Variants in DTNA observed in about 807,000 individuals in gnomAD.
DTNA encodes dystrophin-related protein 3.
DTNA carries 43 observed loss-of-function variants against 100.7 expected under a neutral mutation model. The observed-to-expected ratio is 0.43, with a 90% CI of 0.33 to 0.55. DTNA has a LOEUF of 0.55. Among genes scored for constraint, DTNA ranks in the 20% least tolerant of loss-of-function variants. The pLI is 0.04. For missense variants in DTNA, 798 were observed against 953.9 expected (o/e 0.84, Z 2.15); for synonymous variants, 349 against 347.9 (o/e 1.00, Z -0.04).
rs1009435859 is a variant in DTNA at position 34,868,579 on chromosome 18, C to G, written c.1743+4517C>G. On this transcript the variant is annotated intron_variant, in intron 17 of 22. Coordinates refer to ENST00000444659, the MANE Select transcript of DTNA (RefSeq NM_001386795.1). ...CCAAACTTAGAACACCCCCACACAACAAATTGTGCTGGATTTAATAACCTC... is the reference window on the plus strand; with the variant it reads ...CCAAACTTAGAACACCCCCACACAAGAAATTGTGCTGGATTTAATAACCTC... 19 of 985,422 alleles carry G rather than the reference C, an allele frequency of 1.9e-5. No homozygotes were observed. The South Asian group carries it at 7.0e-4, about 37-fold the overall frequency. The allele number at this position is 985,422 out of a possible 1,614,324, so 61.0% of individuals were successfully genotyped here. A position where few individuals can be genotyped will look rare whatever the true frequency, so the allele number is the denominator to read the frequency against.
intron 14 of DTNA, among the ~76,000 whole-genome samples, chr18:34,851,024 A>G (rs1160436421): frequency 1.3e-5 from 2 of 152,244 alleles, no homozygotes; most frequent in Non-Finnish European, 2.9e-5. Flanking sequence ...GTGTGAATAA[A>G]GAAAGACATA....
At chr18:34,802,873 T>C (rs1457651652) in intron 4 of DTNA, among the ~76,000 whole-genome samples, 2 of 152,222 alleles carry the variant, frequency 1.3e-5, no homozygotes, top group Non-Finnish European at 2.9e-5. Context: ...TGTGCTTATG[T>C]GATATATTTA....
rs1603303938 is a variant in DTNA at position 34,867,983 on chromosome 18, C to T, written c.1743+3921C>T. ...CTATTTCACTTATTTATCTTTTTTG[C>T]TTTTATACACAAGCCTCTTTTCAAA... is the stretch of plus-strand genomic sequence containing the variant. On this transcript the variant is annotated intron_variant, in intron 17 of 22. Transcript: ENST00000444659. 3 of 985,248 alleles carry T rather than the reference C, an allele frequency of 3.0e-6. No homozygotes were observed. The South Asian group carries it at 1.4e-4, about 46-fold the overall frequency. The allele number at this position is 985,248 out of a possible 1,614,324, so 61.0% of individuals were successfully genotyped here.
intron 1 of DTNA, among the ~76,000 whole-genome samples, chr18:34,525,468 A>G (rs540122211): frequency 1.3e-5 from 2 of 152,138 alleles, no homozygotes; most frequent in African/African-American, 2.4e-5. Context: ...CCCACAGTTC[A>G]TCAGTACTTG....
intron 1 of DTNA, among the ~76,000 whole-genome samples, chr18:34,674,863 A>G (rs1228133672): frequency 6.6e-6 from 1 of 152,212 alleles, no homozygotes; most frequent in Admixed American, 6.5e-5. Flanking sequence ...ATTTTAAATG[A>G]TAACAGGTGC....
chr18:34,571,995 G>A (rs1167321904), intron 1 of DTNA, among the ~76,000 whole-genome samples: 1 of 152,146 alleles, frequency 6.6e-6, no homozygotes, highest in African/African-American at 2.4e-5. Flanking sequence ...AACCTCATGT[G>A]AAATAAAATG....
chr18:34,781,688 C>CTGAA (rs1390644906), intron 3 of DTNA, among the ~76,000 whole-genome samples: 40 of 152,078 alleles, frequency 2.6e-4, no homozygotes, highest in African/African-American at 7.5e-4. Context: ...CAGCTATTTT[C>CTGAA]TGAATGAATG....
chr18:34,822,208 T>C (rs2095740997), intron 9 of DTNA, among the ~76,000 whole-genome samples: 1 of 152,204 alleles, frequency 6.6e-6, no homozygotes, highest in Non-Finnish European at 1.5e-5. Flanking sequence ...GGTAAATAAA[T>C]CTGGGGAATG....
chr18:34,684,865 T>C (rs919573475), intron 1 of DTNA, among the ~76,000 whole-genome samples: 1 of 152,238 alleles, frequency 6.6e-6, no homozygotes, highest in African/African-American at 2.4e-5. Context: ...TGGTATCTCA[T>C]TGTGGTTTTG....
chr18:34,839,327 C>G (rs986944207), intron 13 of DTNA, among the ~76,000 whole-genome samples: 2 of 152,216 alleles, frequency 1.3e-5, no homozygotes, highest in Non-Finnish European at 2.9e-5. Context: ...GAACAATCGT[C>G]TTTCAGCAAT....
chr18:34,883,304 C>CT (rs201667649), intron 21 of DTNA, among the ~76,000 whole-genome samples: 14 of 151,190 alleles, frequency 9.3e-5, no homozygotes, highest in Non-Finnish European at 1.0e-4. Context: ...TTTTGTTTTT[C>CT]TTTTTTCCTT....
chr18:34,774,567 G>T (rs1325846865), intron 3 of DTNA, among the ~76,000 whole-genome samples: 2 of 152,214 alleles, frequency 1.3e-5, no homozygotes, highest in Admixed American at 6.5e-5. Context: ...TGCATGCCAA[G>T]CATTATTCTA....
intron 1 of DTNA, among the ~76,000 whole-genome samples, chr18:34,699,119 G>A (rs1395935469): frequency 1.3e-5 from 2 of 151,620 alleles, no homozygotes; most frequent in African/African-American, 2.4e-5. Flanking sequence ...GTATTAGTCA[G>A]GGTTGTCCAG....
chr18:34,776,937 C>T (rs973716548), intron 3 of DTNA, among the ~76,000 whole-genome samples: 6 of 152,204 alleles, frequency 3.9e-5, no homozygotes, highest in African/African-American at 1.4e-4. Context: ...CTGGCTGTTC[C>T]CTTCACCTGG....
At chr18:34,798,130 G>A (rs1314254673) in intron 4 of DTNA, among the ~76,000 whole-genome samples, 1 of 152,088 alleles carries the variant, frequency 6.6e-6, no homozygotes, top group African/African-American at 2.4e-5. Flanking sequence ...CTCCCGAGTA[G>A]CTGGGACTAC....
rs182903919 is a variant in DTNA at position 34,725,014 on chromosome 18, A to G, written c.-2+14569A>G. Among the ~76,000 whole-genome samples, 305 of 152,288 alleles carry G rather than the reference A, an allele frequency of 2.0e-3. 2 individuals are homozygous for G. Among genetic ancestry groups the G allele is most frequent in the African/African-American group, 6.8e-3 (284 of 41,560 alleles). On this transcript the variant is annotated intron_variant, in intron 1 of 22. Coordinates refer to ENST00000444659, the MANE Select transcript of DTNA (RefSeq NM_001386795.1). ...ATGGGGAAAGGATTCCCTATTTAAT[A>G]AATGGTGCTGGAAAAACTGGCTAGT...
intron 13 of DTNA, among the ~76,000 whole-genome samples, chr18:34,845,914 C>T (rs983709180): frequency 7.2e-5 from 11 of 151,946 alleles, no homozygotes; most frequent in Admixed American, 5.9e-4. Flanking sequence ...TTATGTAAGC[C>T]GTATATCCTA....
At chr18:34,794,339 C>A (rs986681058) in intron 4 of DTNA, 89 bp downstream of exon 4, 45 of 1,425,210 alleles carry the variant, frequency 3.2e-5, no homozygotes, top group South Asian at 1.4e-4. Flanking sequence ...AATTTTATAT[C>A]TCTCTCTTTT....
chr18:34,850,378 G>T (rs556647213), intron 14 of DTNA, among the ~76,000 whole-genome samples: 1 of 152,264 alleles, frequency 6.6e-6, no homozygotes, highest in South Asian at 2.1e-4. Flanking sequence ...ACAAGTCAAA[G>T]TTGCCATATG....
Sources: allele counts gnomAD v4.1 joint callset (sites outside exome capture counted in the v4.1 genomes callset), GRCh38; gene constraint gnomAD v4.1.1; transcripts MANE v1.5; gene names NCBI Gene and HGNC (gene_info 2026-07-23, HGNC 2026-07-21).